FRMPD4: variants seen among roughly 807,000 people sequenced by gnomAD.
The protein encoded by FRMPD4 is FERM and PDZ domain-containing protein 4.
FRMPD4 carries 22 observed loss-of-function variants against 94.1 expected under a neutral mutation model. That is an observed-to-expected ratio of 0.23 (90% CI 0.17 to 0.33). FRMPD4 has a LOEUF of 0.33. Ranked by LOEUF, FRMPD4 falls within the 10% of genes least tolerant of loss-of-function variation. The pLI is 1.00. For missense variants in FRMPD4, 1,111 were observed against 1,339.9 expected, an observed-to-expected ratio of 0.83 and a Z score of 2.67; for synonymous variants, 631 against 548.6, an observed-to-expected ratio of 1.15 and a Z score of -2.10.
At chrX:11,859,973 C>A (rs1433135400) in intron 1 of FRMPD4, among the ~76,000 whole-genome samples, 1 of 111,974 alleles carries the variant, frequency 8.9e-6, no homozygotes, top group Non-Finnish European at 1.9e-5. Context: ...ACCCTTTATA[C>A]TGGAGGATCC....
intron 1 of FRMPD4, among the ~76,000 whole-genome samples, chrX:12,479,857 T>C (rs139487534): frequency 0.011 from 1,194 of 109,819 alleles, 8 homozygotes; most frequent in African/African-American, 0.034. Context: ...TGGGGTGGTG[T>C]CTCTACTAGG....
chrX:11,908,899 G>A (rs1039665631), intron 3 of FRMPD4, among the ~76,000 whole-genome samples: 1 of 111,684 alleles, frequency 9.0e-6, no homozygotes, highest in African/African-American at 3.3e-5. Flanking sequence ...TGCATTTCTA[G>A]AATAAACCCT....
chrX:12,566,095 G>T (rs2058709106), intron 2 of FRMPD4, among the ~76,000 whole-genome samples: 1 of 111,825 alleles, frequency 8.9e-6, no homozygotes, highest in South Asian at 3.7e-4. Flanking sequence ...TGAACACCTA[G>T]AAGGTAGAAA....
intron 2 of FRMPD4, among the ~76,000 whole-genome samples, chrX:12,513,568 T>G (rs2058066182): frequency 8.9e-6 from 1 of 112,112 alleles, no homozygotes; most frequent in Admixed American, 9.5e-5. Flanking sequence ...TCTGTTCCAT[T>G]GGTCTATGTG....
At chrX:12,345,093 AATGG>A (rs201248034) in intron 1 of FRMPD4, among the ~76,000 whole-genome samples, 1 of 100,110 alleles carries the variant, frequency 1.0e-5, no homozygotes, top group Non-Finnish European at 2.0e-5. Flanking sequence ...TGAATGAATG[AATGG>A]ATGGATGGAT....
intron 3 of FRMPD4, among the ~76,000 whole-genome samples, chrX:12,064,932 A>T (rs1364757641): frequency 8.9e-6 from 1 of 111,919 alleles, no homozygotes; most frequent in African/African-American, 3.2e-5. Flanking sequence ...TATGGTTTGA[A>T]CCCTTCAGGT....
intron 1 of FRMPD4, among the ~76,000 whole-genome samples, chrX:12,317,414 C>T (rs1042622043): frequency 9.1e-6 from 1 of 110,365 alleles, no homozygotes; most frequent in Non-Finnish European, 1.9e-5. Context: ...AGACAGCCAA[C>T]ATAAAAATTG....
intron 1 of FRMPD4, among the ~76,000 whole-genome samples, chrX:12,447,923 A>G (rs778807596): frequency 8.9e-6 from 1 of 112,209 alleles, no homozygotes; most frequent in East Asian, 2.8e-4. Context: ...CATAATATAA[A>G]GCTGTCTTTT....
chrX:12,504,733 C>A (rs1477093690), intron 2 of FRMPD4, among the ~76,000 whole-genome samples: 2 of 112,382 alleles, frequency 1.8e-5, no homozygotes, highest in Non-Finnish European at 3.8e-5. Context: ...CATTCCAGAT[C>A]TAATTTGGCA....
intron 11 of FRMPD4, among the ~76,000 whole-genome samples, chrX:12,704,956 A>T (rs774428042): frequency 1.8e-5 from 2 of 111,900 alleles, no homozygotes; most frequent in East Asian, 5.6e-4. Context: ...TTTGTTAGGG[A>T]GTTACGGGGA....
intron 3 of FRMPD4, among the ~76,000 whole-genome samples, chrX:11,921,484 G>C (rs898747989): frequency 9.0e-6 from 1 of 110,956 alleles, no homozygotes; most frequent in African/African-American, 3.3e-5. Flanking sequence ...ATGCATTTGT[G>C]GGGGGACATG....
intron 3 of FRMPD4, among the ~76,000 whole-genome samples, chrX:11,933,283 G>A (rs1177722789): frequency 8.9e-6 from 1 of 111,778 alleles, no homozygotes; most frequent in Admixed American, 9.5e-5. Flanking sequence ...CTCACCATTG[G>A]TATTTATTGT....
rs375565386 is a variant in FRMPD4 at position 12,620,355 on chromosome X, G to A, written c.422+5474G>A. On this transcript the variant is annotated intron_variant, in intron 4 of 16. Transcript: ENST00000675598. The stretch of plus-strand genomic sequence containing the variant: ...TCTGTGTCCCCAGAAGCAGGCCTGC[G>A]GATCTTGATCTTGACTGTGGACCCT... 7.0e-4 allele frequency among the ~76,000 whole-genome samples: 78 copies of A among 112,161 alleles called. 1 individual carries two copies. Among genetic ancestry groups the A allele is most frequent in the Non-Finnish European group, 1.1e-3 (61 of 53,175 alleles).
At chrX:12,378,502 A>G (rs969958565) in intron 1 of FRMPD4, among the ~76,000 whole-genome samples, 1 of 112,368 alleles carries the variant, frequency 8.9e-6, no homozygotes, top group Non-Finnish European at 1.9e-5. Context: ...AGTGGAGTCA[A>G]ATGCCACTTG....
intron 1 of FRMPD4, among the ~76,000 whole-genome samples, chrX:12,156,228 T>C (rs898839239): frequency 1.6e-4 from 18 of 111,725 alleles, no homozygotes; most frequent in African/African-American, 4.9e-4. Flanking sequence ...TAGTGGTCCC[T>C]CATTGACAAA....
chrX:12,427,905 T>TC (rs2056966396), intron 1 of FRMPD4, among the ~76,000 whole-genome samples: 1 of 47,740 alleles, frequency 2.1e-5, no homozygotes, highest in Non-Finnish European at 4.0e-5. Context: ...CTCTTTTTTT[T>TC]TTTTTTTTTT....
intron 1 of FRMPD4, among the ~76,000 whole-genome samples, chrX:12,481,950 A>AAAAAAAAAATAAAAT (rs1555971777): frequency 3.7e-4 from 33 of 88,386 alleles, no homozygotes; most frequent in Non-Finnish European, 7.5e-4. Context: ...CTCAAAAAAA[A>AAAAAAAAAATAAAAT]AAAAAAAAAA....
chrX:11,825,270 T>TAA (rs1251219520), intron 1 of FRMPD4, among the ~76,000 whole-genome samples: 1 of 96,867 alleles, frequency 1.0e-5, no homozygotes, highest in Non-Finnish European at 2.1e-5. Context: ...CTAATTGTAG[T>TAA]AAAAAAAAAA....
intron 1 of FRMPD4, among the ~76,000 whole-genome samples, chrX:12,449,596 TTGTTGTTCTCTCTGTTTATG>T (rs2057240470): frequency 8.9e-6 from 1 of 112,260 alleles, no homozygotes; most frequent in African/African-American, 3.2e-5. Flanking sequence ...AGGATAAAGA[TTGTTGTTCTCTCTGTTTATG>T]ATAACTTTAG....
Sources: allele counts gnomAD v4.1 joint callset (sites outside exome capture counted in the v4.1 genomes callset), GRCh38; gene constraint gnomAD v4.1.1; transcripts MANE v1.5; gene names NCBI Gene and HGNC (gene_info 2026-07-23, HGNC 2026-07-21).